Variants in CPPED1 observed in about 807,000 individuals in gnomAD.
CPPED1 encodes the protein calcineurin like phosphoesterase domain containing 1, also known as serine/threonine-protein phosphatase CPPED1.
CPPED1 carries 28 observed loss-of-function variants against 28.0 expected under a neutral mutation model. That is an observed-to-expected ratio of 1.00 (90% CI 0.74 to 1.37). The LOEUF (loss-of-function observed/expected upper bound fraction) is 1.37. CPPED1 is among the 40% of genes most tolerant of loss of function. The pLI, the probability that CPPED1 is intolerant of heterozygous loss-of-function variation, is 0.00. For missense variants in CPPED1, 504 were observed against 416.5 expected (o/e 1.21, Z -1.83); for synonymous variants, 198 against 180.2 (o/e 1.10, Z -0.79).
chr16:12,718,025 G>A (rs758038321), intron 2 of CPPED1, among the ~76,000 whole-genome samples: 1 of 152,180 alleles, frequency 6.6e-6, no homozygotes, highest in Non-Finnish European at 1.5e-5. Context: ...CAGAGCTGGT[G>A]TTTTCAGCTA....
chr16:12,685,377 G>C (rs1596445213), intron 3 of CPPED1, among the ~76,000 whole-genome samples: 1 of 152,164 alleles, frequency 6.6e-6, no homozygotes, highest in East Asian at 1.9e-4. Context: ...TTGAACCCAG[G>C]AGGCGGAGGT....
chr16:12,673,774 C>T (rs1157424986), intron 3 of CPPED1, among the ~76,000 whole-genome samples: 1 of 152,148 alleles, frequency 6.6e-6, no homozygotes, highest in East Asian at 1.9e-4. Context: ...AGGCCGGGTG[C>T]GGTGGCTCCC....
At chr16:12,690,531 A>G (rs2141178009) in intron 3 of CPPED1, among the ~76,000 whole-genome samples, 1 of 151,632 alleles carries the variant, frequency 6.6e-6, no homozygotes, top group Middle Eastern at 3.4e-3. Flanking sequence ...AAAGAAAAAA[A>G]AAAGGCCAGG....
intron 2 of CPPED1, among the ~76,000 whole-genome samples, chr16:12,763,823 T>C (rs1226525704): frequency 6.6e-6 from 1 of 152,182 alleles, no homozygotes; most frequent in Non-Finnish European, 1.5e-5. Flanking sequence ...GGACACAGTC[T>C]GAGCCTCAAA....
chr16:12,666,487 G>A (rs1596436345), intron 3 of CPPED1, among the ~76,000 whole-genome samples: 1 of 152,338 alleles, frequency 6.6e-6, no homozygotes, highest in East Asian at 1.9e-4. Context: ...CTGGGGCTGG[G>A]GAAGTGGTAG....
intron 3 of CPPED1, among the ~76,000 whole-genome samples, chr16:12,691,043 A>T (rs938201381): frequency 6.6e-6 from 1 of 152,190 alleles, no homozygotes; most frequent in Admixed American, 6.5e-5. Context: ...TCTGCTCATC[A>T]ACATGCTCTG....
At chr16:12,693,537 C>T (rs1339057874) in intron 3 of CPPED1, among the ~76,000 whole-genome samples, 1 of 152,088 alleles carries the variant, frequency 6.6e-6, no homozygotes, top group Non-Finnish European at 1.5e-5. Flanking sequence ...AATTCATATG[C>T]AAACATTTTT....
rs11385568 is a variant in CPPED1, at chr16:12,703,012, C to CAA, written c.715+1610_715+1611dup. Among the ~76,000 whole-genome samples the CAA allele has an allele frequency of 9.8e-3, 1,197 of 121,990 alleles. 18 individuals carry two copies. The highest frequency in any genetic ancestry group is 0.071 in the East Asian group (283 of 3,976). 80.0% of individuals were successfully genotyped at this position (121,990 alleles called of 152,430 possible). A position where few individuals can be genotyped will look rare whatever the true frequency, so the allele number is the denominator to read the frequency against. On this transcript the variant is annotated intron_variant, in intron 3 of 3. Transcript: ENST00000381774. Reference sequence around the variant, plus strand: ...GGGTGACAAGAGCGGGACTCCGTCTCAAAAAAAAAAAAAAAAGAAATACCA... The same window carrying CAA: ...GGGTGACAAGAGCGGGACTCCGTCTCAAAAAAAAAAAAAAAAAAGAAATACCA...
intron 3 of CPPED1, among the ~76,000 whole-genome samples, chr16:12,699,260 T>G (rs140885430): frequency 2.3e-4 from 35 of 152,352 alleles, no homozygotes; most frequent in African/African-American, 8.4e-4. Context: ...AGGTGCTGCT[T>G]CACACTGGTA....
chr16:12,745,604 T>C (rs1251748618), intron 2 of CPPED1, among the ~76,000 whole-genome samples: 1 of 152,214 alleles, frequency 6.6e-6, no homozygotes, highest in African/African-American at 2.4e-5. Flanking sequence ...TTCTCACTTA[T>C]AAGTGGGAAT....
intron 2 of CPPED1, among the ~76,000 whole-genome samples, chr16:12,777,854 T>C (rs1251329494): frequency 6.6e-6 from 1 of 151,288 alleles, no homozygotes; most frequent in Non-Finnish European, 1.5e-5. Context: ...AGAAAAAGCA[T>C]ATTATTACTT....
chr16:12,778,383 C>A (rs1313016703), intron 2 of CPPED1, among the ~76,000 whole-genome samples: 2 of 146,720 alleles, frequency 1.4e-5, no homozygotes, highest in African/African-American at 5.0e-5. Flanking sequence ...TCAAGCGATT[C>A]TCCTGCCTCA....
At chr16:12,755,378 C>A (rs1258858898) in intron 2 of CPPED1, among the ~76,000 whole-genome samples, 3 of 150,888 alleles carry the variant, frequency 2.0e-5, no homozygotes, top group Non-Finnish European at 4.4e-5. Context: ...ACCTCCCAGG[C>A]TCAAGCAATC....
chr16:12,778,524 C>A (rs1006715720), intron 2 of CPPED1, among the ~76,000 whole-genome samples: 1 of 152,192 alleles, frequency 6.6e-6, no homozygotes, highest in Non-Finnish European at 1.5e-5. Context: ...GATCCGCCCA[C>A]CTTGGCGTCC....
At chr16:12,702,661 CAAG>C (rs2080026617) in intron 3 of CPPED1, among the ~76,000 whole-genome samples, 1 of 152,060 alleles carries the variant, frequency 6.6e-6, no homozygotes. Flanking sequence ...TCAACAAGAA[CAAG>C]AACAAAGAAC....
At chr16:12,665,252 T>C (rs2079819404) in intron 3 of CPPED1, 137 bp from the exon 4 acceptor site, 4 of 756,430 alleles carry the variant, frequency 5.3e-6, no homozygotes, top group Admixed American at 3.8e-5. Flanking sequence ...ATATTAAATG[T>C]ATAATATTAT....
intron 2 of CPPED1, among the ~76,000 whole-genome samples, chr16:12,735,797 A>G (rs571969813): frequency 6.6e-6 from 1 of 152,352 alleles, no homozygotes; most frequent in East Asian, 1.9e-4. Flanking sequence ...CTTGTTTGCA[A>G]AGGTGCCGTG....
At chr16:12,712,265 G>A (rs974588481) in intron 2 of CPPED1, among the ~76,000 whole-genome samples, 5 of 152,138 alleles carry the variant, frequency 3.3e-5, no homozygotes, top group Non-Finnish European at 7.3e-5. Context: ...ATGGGGCTCC[G>A]TCCCTACCTG....
At chr16:12,749,079 G>A (rs561021162) in intron 2 of CPPED1, among the ~76,000 whole-genome samples, 2 of 152,208 alleles carry the variant, frequency 1.3e-5, no homozygotes, top group Non-Finnish European at 2.9e-5. Flanking sequence ...TGAAAGGTGG[G>A]GTGGCTGGGG....
Sources: gnomAD v4.1 joint callset for allele counts (sites outside exome capture counted in the v4.1 genomes callset) on GRCh38, gnomAD v4.1.1 for gene constraint, MANE v1.5 for transcripts, NCBI Gene and HGNC (gene_info 2026-07-23, HGNC 2026-07-21) for gene names.